Variants in MYBBP1A observed in about 807,000 individuals in gnomAD.
The protein encoded by MYBBP1A is myb-binding protein 1A.
A neutral mutation model predicts 136.3 loss-of-function variants in MYBBP1A; 147 were observed. The observed-to-expected ratio is 1.08, with a 90% confidence interval of 0.94 to 1.24. The LOEUF is 1.24. Ranked by LOEUF, MYBBP1A falls within the 50% of genes most tolerant of loss-of-function variation. The pLI, the probability that MYBBP1A is intolerant of heterozygous loss-of-function variation, is 0.00. For missense variants in MYBBP1A, 2,060 were observed against 1,727.4 expected (o/e 1.19, Z -3.41); for synonymous variants, 947 against 735.8 (o/e 1.29, Z -4.65).
chr17:4,539,679 G>A lies in MYBBP1A; in HGVS notation c.3723C>T (p.Ser1241=). The A allele has an allele frequency of 6.2e-7, 1 of 1,609,136 alleles. No homozygotes were observed. The highest frequency in any genetic ancestry group is 8.5e-7 in the Non-Finnish European group (1 of 1,176,698). ...KSPAPGAPTR[S]PSTPAKSPKL... is the part of the protein sequence containing the mutation. ...TTGGGGATTTGGCAGGGGTGCTGGG[G>A]CTCCGGGTGGGGGCGCCAGGGGCTG... is the stretch of plus-strand genomic sequence containing the variant. Residue 1241 remains serine, a synonymous_variant, in exon 26 of 26, where the codon AGC becomes AGT. Transcript: ENST00000254718.
At chr17:4,540,129 C>G (rs1334602602) in intron 25 of MYBBP1A, among the ~76,000 whole-genome samples, 162 bp from the exon 26 acceptor site, 227 of 148,328 alleles carry the variant, frequency 1.5e-3, no homozygotes, top group Admixed American at 2.3e-3. Flanking sequence ...TCCTGCGAGG[C>G]CCCTGGGTCC....
At chr17:4,545,422 G>T in intron 15 of MYBBP1A, 77 bp from the exon 16 acceptor site, 1 of 1,579,064 alleles carries the variant, frequency 6.3e-7, no homozygotes, top group East Asian at 2.3e-5. Flanking sequence ...CTTGACCAAA[G>T]ACCTCCATTT....
intron 24 of MYBBP1A, 134 bp from the exon 25 acceptor site, chr17:4,540,618 T>C: frequency 8.9e-7 from 1 of 1,123,898 alleles, no homozygotes; most frequent in South Asian, 2.0e-5. Flanking sequence ...AGCCTCTCCT[T>C]CTGCCTGTTA....
intron 8 of MYBBP1A, 43 bp from the exon 9 acceptor site, chr17:4,550,396 G>A (rs750683393): frequency 8.9e-6 from 14 of 1,566,500 alleles, no homozygotes; most frequent in Middle Eastern, 4.4e-4. Context: ...AGCCCAGGGG[G>A]GCAGGCGGTT....
rs199520582 is a variant in MYBBP1A at position 4,542,979 on chromosome 17, G to A, written c.2826C>T (p.Cys942=). 1.4e-5 allele frequency: 23 copies of A among 1,614,062 alleles called. No individual in the cohort carries two copies. The African/African-American group carries it at 1.5e-4, about 10-fold the overall frequency. The change falls in exon 20 of 26, where the codon TGC becomes TGT. Residue 942 remains cysteine (C), a synonymous_variant. Transcript: ENST00000254718. The stretch of plus-strand genomic sequence containing the variant: ...TCTGCTTCTCCTGTGTCTCATGCAC[G>A]CAGCCCTCAGCAGTGTTGCCCTTCA... ...RVLKGNTAEG[C]VHETQEKQKA...
chr17:4,543,967 G>A (rs939717127), intron 19 of MYBBP1A, among the ~76,000 whole-genome samples: 7 of 152,172 alleles, frequency 4.6e-5, no homozygotes, highest in Non-Finnish European at 4.4e-5. Flanking sequence ...GGGTGCGGGG[G>A]TCTGTGGCCT....
chr17:4,554,682 T>C (rs773685718), intron 2 of MYBBP1A, among the ~76,000 whole-genome samples, 179 bp downstream of exon 2: 4 of 152,152 alleles, frequency 2.6e-5, no homozygotes, highest in African/African-American at 4.8e-5. Context: ...CAGGCCTTGC[T>C]CACACCTTCT....
rs753443292 is a variant in MYBBP1A at position 4,541,568 on chromosome 17, G to A, written c.3196-4C>T. On this transcript the variant is annotated splice_polypyrimidine_tract_variant and splice_region_variant and intron_variant, in intron 23 of 25. Transcript: ENST00000254718. The stretch of plus-strand genomic sequence containing the variant: ...CCTCCCCCAGCACGCGCAAGTTCTA[G>A]GGAAGGGTGGCCAGGCTGAGGCACT... The A allele has an allele frequency of 2.5e-6, 4 of 1,611,308 alleles. No individual in the cohort carries two copies. The highest frequency in any genetic ancestry group is 2.7e-5 in the African/African-American group (2 of 74,950).
chr17:4,539,973 G>T lies in MYBBP1A; in HGVS notation c.3435-6C>A. On this transcript the variant is annotated splice_polypyrimidine_tract_variant and splice_region_variant and intron_variant, in intron 25 of 25. Coordinates refer to ENST00000254718, the MANE Select transcript of MYBBP1A (RefSeq NM_014520.4). ...TCTTCTCCAACTTGGGGCGCCTGAA[G>T]GGAAGTGAGCAAGGTTAGAAGGTGC... 1 of 1,597,544 alleles carries T rather than the reference G, an allele frequency of 6.3e-7. No homozygotes were observed. Among genetic ancestry groups the T allele is most frequent in the Non-Finnish European group, 8.5e-7 (1 of 1,179,024 alleles).
chr17:4,542,793 T>A, intron 20 of MYBBP1A, 52 bp from the exon 21 acceptor site: 2 of 1,605,694 alleles, frequency 1.2e-6, no homozygotes, highest in Non-Finnish European at 1.7e-6. Flanking sequence ...GTCCCTGGGA[T>A]GGGAGCAGAG....
At position 4,552,928 on chromosome 17, in the gene MYBBP1A, G is replaced by A. The variant is rs1907662604; in HGVS notation, c.562-302C>T. The stretch of plus-strand genomic sequence containing the variant: ...GGCTCACTGCAACCTCCGCCTCCCA[G>A]GTTGAAGCAATTCTCCTGCCTCAGG... On this transcript the variant is annotated intron_variant, in intron 5 of 25. Coordinates refer to ENST00000254718, the MANE Select transcript of MYBBP1A (RefSeq NM_014520.4). The surrounding 1 kb of genome is among the most constrained non-coding windows in gnomAD (Gnocchi z 4.7). Among the ~76,000 whole-genome samples the A allele has an allele frequency of 6.6e-6, 1 of 151,782 alleles. No individual in the cohort carries two copies. The highest frequency in any genetic ancestry group is 1.5e-5 in the Non-Finnish European group (1 of 67,994).
chr17:4,547,819 T>C (rs1455371850), intron 13 of MYBBP1A, 139 bp downstream of exon 13: 2 of 646,520 alleles, frequency 3.1e-6, no homozygotes, highest in Non-Finnish European at 4.9e-6. Flanking sequence ...TGTGACAAAG[T>C]TGGCTTCAAA....
intron 25 of MYBBP1A, 108 bp from the exon 26 acceptor site, chr17:4,540,075 T>C (rs1906225991): frequency 1.5e-6 from 2 of 1,344,548 alleles, no homozygotes; most frequent in African/African-American, 2.9e-5. Flanking sequence ...GGCCCCTAGG[T>C]TCTGTGAGGC....
intron 18 of MYBBP1A, 29 bp from the exon 19 acceptor site, chr17:4,544,675 C>CGGGGGTGGGCGCACAG: frequency 9.5e-7 from 1 of 1,050,500 alleles, no homozygotes; most frequent in South Asian, 1.6e-5. Context: ...GTCAGCAACA[C>CGGGGGTGGGCGCACAG]GGGGGTGGGC....
rs993016252 is a variant in MYBBP1A, at chr17:4,539,921, T to C, written c.3481A>G (p.Thr1161Ala). Reference sequence around the variant, plus strand: ...CGCTTCTTACTGATGGGGCTCTGGGTGGCACTGGGGATCTCCTTGGCATCC... The same window carrying C: ...CGCTTCTTACTGATGGGGCTCTGGGCGGCACTGGGGATCTCCTTGGCATCC... ...KKDAKEIPSA[T>A]QSPISKKRKK... Residue 1161 changes from threonine to alanine, a missense_variant, in exon 26 of 26, where the codon ACC becomes GCC. By Grantham distance (58) the Thr-to-Ala change is moderately conservative (BLOSUM62 0). Transcript: ENST00000254718. The C allele has an allele frequency of 3.8e-6, 6 of 1,599,806 alleles. No homozygotes were observed. The African/African-American group carries it at 6.7e-5, about 18-fold the overall frequency.
chr17:4,545,229 C>T (rs374554173), intron 16 of MYBBP1A, 30 bp downstream of exon 16: 3 of 1,612,608 alleles, frequency 1.9e-6, no homozygotes, highest in African/African-American at 2.7e-5. Context: ...CCACTCCCCA[C>T]CGCCCCCGCC....
In MYBBP1A at chr17:4,555,306, C is replaced by A. The variant is rs765918836; in HGVS notation, c.19G>T (p.Ala7Ser). ...GCTTCTCCAGGCGACATCGGCTGGG[C>A]GGGATCCCGGCTCTCCATCTCCGCC... MESRDP[A>S]QPMSPGEATQ... The change falls in exon 1 of 26, where the codon GCC (alanine) becomes TCC (serine). Residue 7 changes from alanine (A) to serine (S), a missense_variant. Physicochemically the swap from Ala to Ser is moderately conservative, Grantham distance 99 (BLOSUM62 1). Transcript: ENST00000254718. The A allele has an allele frequency of 6.3e-7, 1 of 1,599,652 alleles. No individual in the cohort carries two copies. Among genetic ancestry groups the A allele is most frequent in the Non-Finnish European group, 8.5e-7 (1 of 1,174,316 alleles).
intron 19 of MYBBP1A, among the ~76,000 whole-genome samples, chr17:4,543,948 G>A (rs1906710375): frequency 6.6e-6 from 1 of 152,148 alleles, no homozygotes; most frequent in Non-Finnish European, 1.5e-5. Flanking sequence ...CTAGGGTCAG[G>A]GCCTGCGAGG....
Position 4,552,270 on chromosome 17 carries a change from C to T in MYBBP1A, c.760G>A (p.Ala254Thr). 1.9e-6 allele frequency: 3 copies of T among 1,614,084 alleles called. No homozygotes were observed. Among genetic ancestry groups the T allele is most frequent in the Non-Finnish European group, 2.5e-6 (3 of 1,180,038 alleles). ...CGGTCCTTCTTCACAGAGGAGGCGGCCATCTTCAGCACATTCACCAGCCTG... is the reference window on the plus strand; with the variant it reads ...CGGTCCTTCTTCACAGAGGAGGCGGTCATCTTCAGCACATTCACCAGCCTG... ...VPRLVNVLKM[A>T]ASSVKKDRKL... The change falls in exon 7 of 26, where the codon GCC becomes ACC. Residue 254 changes from alanine (A) to threonine (T), a missense_variant. Coordinates refer to ENST00000254718, the MANE Select transcript of MYBBP1A (RefSeq NM_014520.4). The surrounding 1 kb of genome is among the most constrained non-coding windows in gnomAD (Gnocchi z 4.7).
Sources: gnomAD v4.1 joint callset for allele counts (sites outside exome capture counted in the v4.1 genomes callset) on GRCh38, gnomAD v4.1.1 for gene constraint, Gnocchi (gnomAD v3.1) non-coding constraint, MANE v1.5 for transcripts, NCBI Gene and HGNC (gene_info 2026-07-23, HGNC 2026-07-21) for gene names.